The following ZNF638 variants were observed in gnomAD, a reference collection of about 807,000 sequenced individuals.
ZNF638 encodes zinc finger protein 638, also known as CTCL tumor antigen se33-1.
In ZNF638, 46 loss-of-function variants were observed where a neutral mutation model predicts 195.6. The observed-to-expected ratio is 0.24, with a 90% CI of 0.19 to 0.30. ZNF638 has a LOEUF of 0.30. Among genes scored for constraint, ZNF638 ranks in the 10% least tolerant of loss-of-function variants. The pLI is 1.00. For synonymous variants in ZNF638, 845 were observed against 772.0 expected (o/e 1.09, Z -1.57); for missense variants, 2,440 against 2,325.3 (o/e 1.05, Z -1.01).
At chr2:71,404,639 C>T (rs2080069846) in intron 17 of ZNF638, among the ~76,000 whole-genome samples, 1 of 152,160 alleles carries the variant, frequency 6.6e-6, no homozygotes, top group Non-Finnish European at 1.5e-5. Context: ...ATCCCTTGAG[C>T]CTAGGAGTTT....
intron 10 of ZNF638, chr2:71,388,412 G>C (rs1013375946): frequency 7.4e-6 from 5 of 674,022 alleles, no homozygotes; most frequent in Admixed American, 6.1e-5. Flanking sequence ...TCCGCGTGCA[G>C]GACTGCTCCC....
intron 20 of ZNF638, among the ~76,000 whole-genome samples, chr2:71,409,354 A>G (rs2080167166): frequency 6.6e-6 from 1 of 152,170 alleles, no homozygotes; most frequent in Admixed American, 6.5e-5. Flanking sequence ...CTGAAATGTT[A>G]CTTCTTTGTG....
intron 1 of ZNF638, 23 bp from the exon 2 acceptor site, chr2:71,348,730 A>T: frequency 1.3e-6 from 2 of 1,502,400 alleles, no homozygotes; most frequent in Non-Finnish European, 1.8e-6. Flanking sequence ...AAAATGATCT[A>T]ATATTTGTGT....
In ZNF638 at chr2:71,404,752, A is replaced by G. The variant is rs537951053; in HGVS notation, c.2958+754A>G. Among the ~76,000 whole-genome samples, 239 of 152,270 alleles carry G rather than the reference A, an allele frequency of 1.6e-3. 1 individual carries two copies. The highest frequency in any genetic ancestry group is 5.3e-3 in the African/African-American group (221 of 41,552). On this transcript the variant is annotated intron_variant, in intron 17 of 27. Coordinates refer to ENST00000264447, the MANE Select transcript of ZNF638 (RefSeq NM_014497.5). The stretch of plus-strand genomic sequence containing the variant: ...AGACCTCCTCCTGGACCTTTTGTAT[A>G]TACAAAAGTAATTGTCTTTTGTACA...
At chr2:71,393,600 G>C (rs1215656965) in intron 10 of ZNF638, 23 of 717,968 alleles carry the variant, frequency 3.2e-5, no homozygotes, top group Admixed American at 8.0e-5. Flanking sequence ...TCCAGACACA[G>C]AAACCATTCA....
At chr2:71,370,077 C>T (rs1338047728) in intron 8 of ZNF638, 72 bp downstream of exon 8, 16 of 1,483,534 alleles carry the variant, frequency 1.1e-5, no homozygotes, top group Non-Finnish European at 1.4e-5. Context: ...AAGTATGGCA[C>T]ACATATAGAA....
intron 5 of ZNF638, 29 bp from the exon 6 acceptor site, chr2:71,365,400 T>A (rs1573054641): frequency 1.3e-6 from 2 of 1,516,814 alleles, no homozygotes; most frequent in Non-Finnish European, 8.8e-7. Context: ...TTTTTTCCAA[T>A]TGAAATTATA....
chr2:71,336,080 A>T (rs1321464035), intron 1 of ZNF638, among the ~76,000 whole-genome samples: 3 of 152,218 alleles, frequency 2.0e-5, no homozygotes, highest in African/African-American at 4.8e-5. Flanking sequence ...TTAAAAATGT[A>T]CTTGATAAGG....
Position 71,428,614 on chromosome 2 carries a change from A to C in ZNF638, c.5613A>C (p.Glu1871Asp), listed in dbSNP as rs774954656. 6.2e-7 allele frequency: 1 copy of C among 1,614,144 alleles called. No homozygotes were observed. Among genetic ancestry groups the C allele is most frequent in the South Asian group, 1.1e-5 (1 of 91,078 alleles). Residue 1871 changes from glutamate (E) to aspartate (D), a missense_variant, in exon 25 of 28, where the codon GAA becomes GAC. This residue lies in a region of ZNF638 where 1,883 missense variants were observed against 1,739.1 expected (regional missense o/e 1.08). Transcript: ENST00000264447. ...TLPSEKAVVT[E>D]PAKGEEAFQM... ...CATCAGAAAAAGCTGTTGTGACAGA[A>C]CCAGCAAAAGGTGAAGAGGCCTTCC...
chr2:71,344,109 G>A (rs1043534801), intron 1 of ZNF638, among the ~76,000 whole-genome samples: 1 of 152,178 alleles, frequency 6.6e-6, no homozygotes, highest in African/African-American at 2.4e-5. Context: ...CAGCTTGGGC[G>A]ACAGAGCGAG....
intron 10 of ZNF638, chr2:71,393,764 C>CA (rs2079837457): frequency 3.2e-6 from 2 of 626,906 alleles, no homozygotes; most frequent in African/African-American, 3.6e-5. Flanking sequence ...GTTACCTGGG[C>CA]AGGCACCCCC....
rs1235205545 is a variant in ZNF638, at chr2:71,418,578, A to C, written c.3262-24A>C. ...TTTCAAATCCAGTGGAATAGCCTCT[A>C]ATAAAATGCTGATTATATTACAGGT... On this transcript the variant is annotated intron_variant, in intron 20 of 27. Coordinates refer to ENST00000264447, the MANE Select transcript of ZNF638 (RefSeq NM_014497.5). 3.3e-6 allele frequency: 5 copies of C among 1,512,566 alleles called. No homozygotes were observed. The South Asian group carries it at 4.1e-5, about 12-fold the overall frequency. The allele number at this position is 1,512,566 out of a possible 1,614,324, so 93.7% of individuals were successfully genotyped here.
chr2:71,399,944 T>C (rs1558869407), intron 13 of ZNF638, among the ~76,000 whole-genome samples, 168 bp from the exon 14 acceptor site: 2 of 152,202 alleles, frequency 1.3e-5, no homozygotes, highest in Non-Finnish European at 2.9e-5. Flanking sequence ...CTAAAAATTA[T>C]CAAAGTGGGG....
chr2:71,365,956 C>T (rs2079191387), intron 6 of ZNF638, among the ~76,000 whole-genome samples: 1 of 152,180 alleles, frequency 6.6e-6, no homozygotes, highest in Admixed American at 6.5e-5. Context: ...TAGGTTCAGG[C>T]AGTCCTTCCA....
At chr2:71,417,336 C>T (rs1209165681) in intron 20 of ZNF638, among the ~76,000 whole-genome samples, 4 of 150,728 alleles carry the variant, frequency 2.7e-5, no homozygotes, top group East Asian at 4.0e-4. Flanking sequence ...TGCTTCGGCT[C>T]GCGCACGGTG....
At chr2:71,388,609 C>T (rs576448393) in intron 10 of ZNF638, 15 of 793,926 alleles carry the variant, frequency 1.9e-5, no homozygotes, top group South Asian at 8.1e-5. Flanking sequence ...TTTTTTCATC[C>T]GTCGCTCGGC....
chr2:71,354,437 A>G (rs1441460473), intron 2 of ZNF638, among the ~76,000 whole-genome samples: 1 of 151,600 alleles, frequency 6.6e-6, no homozygotes, highest in African/African-American at 2.4e-5. Flanking sequence ...GAAGTAATGT[A>G]TAAGAAAGCA....
Position 71,434,875 on chromosome 2 carries a change from CATTTAATTTGTAA to C in ZNF638, c.*69_*81del. On this transcript the variant is annotated 3_prime_UTR_variant, in exon 28 of 28. Transcript: ENST00000264447. ...CAGTTGATTTGTGTATTTTTGTTAT[CATTTAATTTGTAA>C]TTTTCGTTTCAGAAGCAAATATTCG... is the stretch of plus-strand genomic sequence containing the variant. 1 of 1,383,512 alleles carries C rather than the reference CATTTAATTTGTAA, an allele frequency of 7.2e-7. No homozygotes were observed. Among genetic ancestry groups the C allele is most frequent in the Non-Finnish European group, 9.9e-7 (1 of 1,014,200 alleles). The allele number at this position is 1,383,512 out of a possible 1,614,324, so 85.7% of individuals were successfully genotyped here. A position where few individuals can be genotyped will look rare whatever the true frequency, so the allele number is the denominator to read the frequency against.
At chr2:71,362,259 C>CT (rs2079122473) in intron 3 of ZNF638, among the ~76,000 whole-genome samples, 1 of 152,022 alleles carries the variant, frequency 6.6e-6, no homozygotes. Flanking sequence ...CCTCGGCTCT[C>CT]TTTTTTCCTA....
Sources: allele counts gnomAD v4.1 joint callset (sites outside exome capture counted in the v4.1 genomes callset), GRCh38; gene constraint gnomAD v4.1.1; regional missense constraint gnomAD v4.1.1; transcripts MANE v1.5; gene names NCBI Gene and HGNC (gene_info 2026-07-23, HGNC 2026-07-21).